Variants in ATP5MF observed in about 807,000 individuals in gnomAD.
ATP5MF encodes the protein ATP synthase membrane subunit f.
A neutral mutation model predicts 13.8 loss-of-function variants in ATP5MF; 10 were observed. The ratio of observed to expected loss-of-function variants is 0.72; its 90% confidence interval spans 0.45 to 1.23. The LOEUF (loss-of-function observed/expected upper bound fraction) is 1.23. ATP5MF is among the 50% of genes most tolerant of loss of function. The pLI is 0.00. For synonymous variants in ATP5MF, 40 were observed against 45.8 expected (o/e 0.87, Z 0.51); for missense variants, 122 against 118.2 (o/e 1.03, Z -0.15).
chr7:99,458,481 C>A, intron 3 of ATP5MF, 126 bp from the exon 4 acceptor site: 5 of 950,204 alleles, frequency 5.3e-6, no homozygotes, highest in Non-Finnish European at 7.7e-6. Flanking sequence ...ACCCATGACC[C>A]GCCTGCCGGT....
At position 99,459,934 on chromosome 7, in the gene ATP5MF, G is replaced by C; in HGVS notation, c.139+152C>G. On this transcript the variant is annotated intron_variant, in intron 2 of 3. Transcript: ENST00000292475. The stretch of plus-strand genomic sequence containing the variant: ...TTGAAAGGGCCAATCAACCACAGAA[G>C]TCCAAGGCCTAGCATCCCTCCCTGT... The C allele has an allele frequency of 8.4e-6, 7 of 838,234 alleles. No individual in the cohort carries two copies. In the South Asian group the frequency reaches 1.2e-4, roughly 15 times the overall value. The allele number at this position is 838,234 out of a possible 1,614,324, so 51.9% of individuals were successfully genotyped here.
At chr7:99,461,076 C>G (rs1406892933) in intron 1 of ATP5MF, among the ~76,000 whole-genome samples, 1 of 152,192 alleles carries the variant, frequency 6.6e-6, no homozygotes, top group African/African-American at 2.4e-5. Flanking sequence ...TGAGGCTGTA[C>G]TGTCCTCACA....
At chr7:99,459,829 T>C (rs187733017) in intron 2 of ATP5MF, 13 of 443,504 alleles carry the variant, frequency 2.9e-5, no homozygotes, top group Non-Finnish European at 4.8e-5. Context: ...AGTCTTAGGA[T>C]TTCTCTAAGA....
intron 1 of ATP5MF, chr7:99,460,429 G>A (rs1366882031): frequency 1.4e-6 from 1 of 697,916 alleles, no homozygotes; most frequent in Non-Finnish European, 2.6e-6. Context: ...CAGGACGTCT[G>A]AGTAACAGCT....
chr7:99,461,778 C>T (rs1798611845), intron 1 of ATP5MF, among the ~76,000 whole-genome samples: 1 of 151,926 alleles, frequency 6.6e-6, no homozygotes, highest in African/African-American at 2.4e-5. Flanking sequence ...CTGCCTCAGC[C>T]TCCTGAGTAG....
intron 1 of ATP5MF, among the ~76,000 whole-genome samples, chr7:99,465,374 A>G (rs896411877): frequency 6.6e-6 from 1 of 152,348 alleles, no homozygotes; most frequent in East Asian, 1.9e-4. Flanking sequence ...CATCCCGAAC[A>G]GTTATTTCCC....
chr7:99,465,906 C>A (rs1220472729), intron 1 of ATP5MF, among the ~76,000 whole-genome samples: 1 of 152,216 alleles, frequency 6.6e-6, no homozygotes, highest in Non-Finnish European at 1.5e-5. Flanking sequence ...CCTTCACCCT[C>A]CACGCCTAAC....
intron 1 of ATP5MF, among the ~76,000 whole-genome samples, chr7:99,464,543 G>T (rs1488840163): frequency 1.3e-5 from 2 of 152,078 alleles, no homozygotes; most frequent in South Asian, 2.1e-4. Context: ...GGCGCCTGTA[G>T]TCCCAGCTAC....
chr7:99,460,020 T>C lies in ATP5MF; in HGVS notation c.139+66A>G, dbSNP rs1049403266. On this transcript the variant is annotated intron_variant, in intron 2 of 3. Coordinates refer to ENST00000292475, the MANE Select transcript of ATP5MF (RefSeq NM_004889.5). The stretch of plus-strand genomic sequence containing the variant: ...GGCCTTCATTGCCCAAATTAATTCA[T>C]GGCAAAAAAGAGATCTGAAGACCCA... The C allele has an allele frequency of 5.2e-6, 8 of 1,529,860 alleles. No homozygotes were observed. The East Asian group carries it at 1.4e-4, about 26-fold the overall frequency. 94.8% of individuals were successfully genotyped at this position (1,529,860 alleles called of 1,614,324 possible).
intron 1 of ATP5MF, among the ~76,000 whole-genome samples, chr7:99,461,906 C>T (rs1335389582): frequency 1.3e-5 from 2 of 150,926 alleles, no homozygotes; most frequent in Non-Finnish European, 3.0e-5. Flanking sequence ...GATCTGCCCA[C>T]CTCGGCCCCC....
intron 1 of ATP5MF, among the ~76,000 whole-genome samples, chr7:99,463,632 C>T (rs941904506): frequency 6.6e-6 from 1 of 151,950 alleles, no homozygotes; most frequent in African/African-American, 2.4e-5. Context: ...AAAAATTAGC[C>T]GGGTGTGGTG....
intron 1 of ATP5MF, among the ~76,000 whole-genome samples, chr7:99,464,523 C>T (rs1421880529): frequency 6.6e-6 from 1 of 151,970 alleles, no homozygotes; most frequent in African/African-American, 2.4e-5. Context: ...ATTAGCTGGG[C>T]GGGGTGGCGG....
chr7:99,459,381 C>A, intron 2 of ATP5MF, 118 bp from the exon 3 acceptor site: 1 of 750,568 alleles, frequency 1.3e-6, no homozygotes. Context: ...GTTTAAGCCC[C>A]TCGCCCTGCA....
rs931204624 is a variant in ATP5MF at position 99,465,970 on chromosome 7, G to A, written c.31+141C>T. 20 of 1,436,022 alleles carry A rather than the reference G, an allele frequency of 1.4e-5. No individual in the cohort carries two copies. The Admixed American group carries it at 4.0e-4, about 29-fold the overall frequency. 89.0% of individuals were successfully genotyped at this position (1,436,022 alleles called of 1,614,324 possible). On this transcript the variant is annotated intron_variant, in intron 1 of 3. Coordinates refer to ENST00000292475, the MANE Select transcript of ATP5MF (RefSeq NM_004889.5). ...AAGGCGCGCCTGGGCAGGCGGAGCG[G>A]GGTCTGGCGCGCCTCAAGTGAGGTC... is the stretch of plus-strand genomic sequence containing the variant.
intron 1 of ATP5MF, among the ~76,000 whole-genome samples, chr7:99,465,273 T>C (rs912811530): frequency 1.3e-5 from 2 of 150,624 alleles, no homozygotes; most frequent in African/African-American, 4.9e-5. Context: ...AAAAAAATGA[T>C]AAAAAAAAAC....
Position 99,460,209 on chromosome 7 carries a change from G to A in ATP5MF, c.32-16C>T. On this transcript the variant is annotated splice_polypyrimidine_tract_variant and intron_variant, in intron 1 of 3. Transcript: ENST00000292475. ...TTCACTGGTACTGAAACGGAAGAGT[G>A]AGAAAAAATACCCACTGAATAATCT... 1 of 1,612,308 alleles carries A rather than the reference G, an allele frequency of 6.2e-7. No homozygotes were observed. The highest frequency in any genetic ancestry group is 8.5e-7 in the Non-Finnish European group (1 of 1,179,472).
chr7:99,465,026 G>A (rs1345529211), intron 1 of ATP5MF, among the ~76,000 whole-genome samples: 1 of 151,482 alleles, frequency 6.6e-6, no homozygotes, highest in African/African-American at 2.4e-5. Flanking sequence ...TTGGGAGGCC[G>A]AGGTACATGG....
At chr7:99,459,354 C>G in intron 2 of ATP5MF, 91 bp from the exon 3 acceptor site, 1 of 938,780 alleles carries the variant, frequency 1.1e-6, no homozygotes, top group Non-Finnish European at 1.7e-6. Context: ...ATTCAGGGAC[C>G]TAGTCCTGCT....
At chr7:99,459,564 C>T (rs1386688101) in intron 2 of ATP5MF, 5 of 324,614 alleles carry the variant, frequency 1.5e-5, no homozygotes, top group Non-Finnish European at 2.9e-5. Flanking sequence ...CATGCACCAC[C>T]ACAGCCAGCT....
Sources: allele counts gnomAD v4.1 joint callset (sites outside exome capture counted in the v4.1 genomes callset), GRCh38; gene constraint gnomAD v4.1.1; transcripts MANE v1.5; gene names NCBI Gene and HGNC (gene_info 2026-07-23, HGNC 2026-07-21).